LUZP2: variants seen among roughly 807,000 people sequenced by gnomAD.
LUZP2 encodes the protein leucine zipper protein 2.
LUZP2 carries 52 observed loss-of-function variants against 51.6 expected under a neutral mutation model. The observed-to-expected ratio is 1.01, with a 90% CI of 0.81 to 1.27. LUZP2 has a LOEUF of 1.27. Ranked by LOEUF, LUZP2 falls within the 50% of genes most tolerant of loss-of-function variation. LUZP2 has a pLI of 0.00. For missense variants in LUZP2, 436 were observed against 395.4 expected, an observed-to-expected ratio of 1.10 and a Z score of -0.87; for synonymous variants, 154 against 137.3, an observed-to-expected ratio of 1.12 and a Z score of -0.85.
chr11:24,654,412 G>A (rs545531658), intron 1 of LUZP2, among the ~76,000 whole-genome samples: 1 of 150,152 alleles, frequency 6.7e-6, no homozygotes, highest in Admixed American at 6.6e-5. Context: ...CTTTTGTTTT[G>A]TTTGTTTGTT....
intron 5 of LUZP2, among the ~76,000 whole-genome samples, chr11:24,824,585 G>T (rs925164015): frequency 8.6e-5 from 13 of 151,820 alleles, no homozygotes; most frequent in African/African-American, 3.1e-4. Flanking sequence ...ATGTGAACTT[G>T]TTCACATGGT....
intron 1 of LUZP2, among the ~76,000 whole-genome samples, chr11:24,691,405 G>T (rs2133889243): frequency 6.6e-6 from 1 of 151,328 alleles, no homozygotes; most frequent in Non-Finnish European, 1.5e-5. Flanking sequence ...AAATGCTTGT[G>T]GTTAGTTTTG....
chr11:24,607,247 T>C (rs963360984), intron 1 of LUZP2, among the ~76,000 whole-genome samples: 4 of 151,704 alleles, frequency 2.6e-5, no homozygotes, highest in Admixed American at 2.0e-4. Flanking sequence ...TCCTATGTTT[T>C]CTTCTAATTA....
At chr11:24,793,056 A>C (rs550528294) in intron 5 of LUZP2, among the ~76,000 whole-genome samples, 4 of 152,260 alleles carry the variant, frequency 2.6e-5, no homozygotes, top group African/African-American at 9.6e-5. Flanking sequence ...TAGCTGAGCA[A>C]ATTATTAACT....
chr11:24,963,467 T>C (rs10219327), intron 7 of LUZP2, among the ~76,000 whole-genome samples: 13,621 of 152,204 alleles, frequency 0.089, 2,037 homozygotes, highest in African/African-American at 0.3. Context: ...GCCTGGGCAA[T>C]GGCGGGTGCC....
intron 1 of LUZP2, among the ~76,000 whole-genome samples, chr11:24,558,379 G>T (rs1296758105): frequency 6.7e-6 from 1 of 149,938 alleles, no homozygotes; most frequent in African/African-American, 2.5e-5. Context: ...AATCTTTTTT[G>T]TTTTTTTTTC....
intron 1 of LUZP2, among the ~76,000 whole-genome samples, chr11:24,725,955 A>G (rs1858460443): frequency 6.6e-6 from 1 of 152,144 alleles, no homozygotes; most frequent in Admixed American, 6.6e-5. Flanking sequence ...AGCTGATGAG[A>G]GAGGCCTAAG....
At chr11:24,728,870 C>T (rs868496781) in intron 1 of LUZP2, among the ~76,000 whole-genome samples, 1 of 151,914 alleles carries the variant, frequency 6.6e-6, no homozygotes, top group Middle Eastern at 3.4e-3. Context: ...GGGAGGCCTC[C>T]CAATCATGGA....
chr11:24,953,562 C>T (rs1855135549), intron 7 of LUZP2, among the ~76,000 whole-genome samples: 1 of 151,924 alleles, frequency 6.6e-6, no homozygotes, highest in African/African-American at 2.4e-5. Context: ...ACTGAAAAAG[C>T]TCCTAAAGGA....
intron 1 of LUZP2, among the ~76,000 whole-genome samples, chr11:24,657,788 A>T (rs188377560): frequency 2.0e-5 from 3 of 152,274 alleles, no homozygotes; most frequent in Admixed American, 6.5e-5. Context: ...CCATTAACAA[A>T]CAGAGAGCCA....
chr11:25,002,989 G>T (rs1255202844), intron 9 of LUZP2, among the ~76,000 whole-genome samples: 1 of 152,132 alleles, frequency 6.6e-6, no homozygotes, highest in African/African-American at 2.4e-5. Context: ...ATGTCTTAGG[G>T]TGAGAATAAG....
intron 7 of LUZP2, among the ~76,000 whole-genome samples, chr11:24,969,600 G>A (rs1855688782): frequency 6.6e-6 from 1 of 152,116 alleles, no homozygotes; most frequent in Non-Finnish European, 1.5e-5. Context: ...TCCCTTAGAT[G>A]AAGAAGAGAC....
chr11:24,759,972 G>T (rs2134026061), intron 4 of LUZP2, among the ~76,000 whole-genome samples: 1 of 152,258 alleles, frequency 6.6e-6, no homozygotes, highest in East Asian at 1.9e-4. Flanking sequence ...TAGGGAGACA[G>T]AAGACATCAG....
intron 7 of LUZP2, among the ~76,000 whole-genome samples, chr11:24,945,888 T>G (rs1368920463): frequency 1.3e-5 from 2 of 152,136 alleles, no homozygotes; most frequent in Non-Finnish European, 2.9e-5. Context: ...TGCACAGGCT[T>G]GTGCAACCAT....
intron 5 of LUZP2, among the ~76,000 whole-genome samples, chr11:24,808,806 T>C (rs932246218): frequency 1.3e-5 from 2 of 152,130 alleles, no homozygotes; most frequent in African/African-American, 4.8e-5. Context: ...AAAATATTTT[T>C]AGTTTAAATT....
intron 7 of LUZP2, among the ~76,000 whole-genome samples, chr11:24,928,852 G>T (rs1854358246): frequency 6.6e-6 from 1 of 151,982 alleles, no homozygotes; most frequent in African/African-American, 2.4e-5. Flanking sequence ...GAATCTGTCT[G>T]ATCCTGGATT....
At chr11:24,648,203 T>A (rs1285807707) in intron 1 of LUZP2, among the ~76,000 whole-genome samples, 1 of 151,982 alleles carries the variant, frequency 6.6e-6, no homozygotes, top group African/African-American at 2.4e-5. Context: ...GACACCTGCC[T>A]GGCTCTTAAA....
chr11:25,047,240 G>T (rs1011717470), intron 9 of LUZP2, among the ~76,000 whole-genome samples: 4 of 152,024 alleles, frequency 2.6e-5, no homozygotes, highest in African/African-American at 9.7e-5. Context: ...CTGCAAGTTT[G>T]TGGTTATGGG....
chr11:24,685,389 T>G (rs1856867397), intron 1 of LUZP2, among the ~76,000 whole-genome samples: 1 of 152,078 alleles, frequency 6.6e-6, no homozygotes, highest in Non-Finnish European at 1.5e-5. Context: ...GCCTAATTAC[T>G]ATCTCTTCTC....
Sources: gnomAD v4.1 joint callset for allele counts (sites outside exome capture counted in the v4.1 genomes callset) on GRCh38, gnomAD v4.1.1 for gene constraint, MANE v1.5 for transcripts, NCBI Gene and HGNC (gene_info 2026-07-23, HGNC 2026-07-21) for gene names.